The following CTXND2 variants were observed in gnomAD, a reference collection of about 807,000 sequenced individuals.
CTXND2 encodes the protein cortexin domain containing 2.
chr1:150,908,456 T>TCAGAGATGGGA (rs1669191359), intron 1 of CTXND2, among the ~76,000 whole-genome samples: 1 of 152,198 alleles, frequency 6.6e-6, no homozygotes, highest in East Asian at 1.9e-4. Context: ...GTCATCCTAG[T>TCAGAGATGGGA]GGGTGTGAAG....
At chr1:150,903,583 A>C (rs1007039456) in intron 1 of CTXND2, among the ~76,000 whole-genome samples, 1 of 151,844 alleles carries the variant, frequency 6.6e-6, no homozygotes, top group African/African-American at 2.4e-5. Flanking sequence ...GTGGATCAGG[A>C]GGTCAGGAGT....
In CTXND2 at chr1:150,912,248, G is replaced by T; in HGVS notation, c.-67G>T. 1 of 398,072 alleles carries T rather than the reference G, an allele frequency of 2.5e-6. No homozygotes were observed. Among genetic ancestry groups the T allele is most frequent in the South Asian group, 1.3e-4 (1 of 7,448 alleles). The allele number at this position is 398,072 out of a possible 1,614,324, so 24.7% of individuals were successfully genotyped here. On this transcript the variant is annotated 5_prime_UTR_variant, in exon 2 of 2. An upstream start codon of the reference 5' UTR is lost. Transcript: ENST00000636087. ...TTTATCCTCCTTTGTCTAGGAATAT[G>T]ACAAATCTGAAGCTATACCTGAGGA...
intron 1 of CTXND2, among the ~76,000 whole-genome samples, chr1:150,910,133 C>CTT (rs1338323220): frequency 6.2e-4 from 74 of 119,126 alleles, no homozygotes; most frequent in Admixed American, 1.0e-3. Flanking sequence ...TTTTTTTTTT[C>CTT]TTTTTTTTTT....
exon 2 of CTXND2, chr1:150,912,619 G>A (rs1320848796): frequency 5.0e-6 from 2 of 396,530 alleles, no homozygotes; most frequent in East Asian, 3.6e-5. Flanking sequence ...AAGCCAGTTT[G>A]TATTGTTCCT....
intron 1 of CTXND2, among the ~76,000 whole-genome samples, chr1:150,902,274 G>T (rs187975880): frequency 1.3e-5 from 2 of 152,036 alleles, no homozygotes; most frequent in Non-Finnish European, 2.9e-5. Context: ...AGGCGTGGTG[G>T]TGGGTGCCTG....
At chr1:150,889,349 G>A (rs772151636) in intron 1 of CTXND2, among the ~76,000 whole-genome samples, 30 of 147,112 alleles carry the variant, frequency 2.0e-4, no homozygotes, top group African/African-American at 3.0e-4. Flanking sequence ...GCAGTGAGCC[G>A]AGATCGCACC....
intron 1 of CTXND2, among the ~76,000 whole-genome samples, chr1:150,895,953 C>G (rs973165835): frequency 5.3e-5 from 8 of 152,202 alleles, no homozygotes; most frequent in Non-Finnish European, 1.0e-4. Context: ...TTCCTGTGCT[C>G]TCCCTGGCTA....
chr1:150,903,638 A>G (rs1468024490), intron 1 of CTXND2, among the ~76,000 whole-genome samples: 1 of 151,978 alleles, frequency 6.6e-6, no homozygotes, highest in Non-Finnish European at 1.5e-5. Context: ...TCGCTACTAA[A>G]AATACAAAAA....
intron 1 of CTXND2, among the ~76,000 whole-genome samples, chr1:150,889,760 G>A (rs957002701): frequency 3.3e-5 from 5 of 152,018 alleles, no homozygotes; most frequent in African/African-American, 1.2e-4. Flanking sequence ...CAACAAGTAT[G>A]AACTGTTGTA....
At chr1:150,890,057 A>G (rs1668827846) in intron 1 of CTXND2, among the ~76,000 whole-genome samples, 1 of 152,114 alleles carries the variant, frequency 6.6e-6, no homozygotes, top group African/African-American at 2.4e-5. Context: ...TCCTGTCTTA[A>G]GCAACAGAAG....
chr1:150,906,646 G>A (rs1236232501), intron 1 of CTXND2, among the ~76,000 whole-genome samples: 1 of 152,146 alleles, frequency 6.6e-6, no homozygotes, highest in Non-Finnish European at 1.5e-5. Flanking sequence ...AAAGTGGAAG[G>A]CCCACTGGAA....
chr1:150,890,340 A>T (rs2102593197), intron 1 of CTXND2, among the ~76,000 whole-genome samples: 1 of 152,314 alleles, frequency 6.6e-6, no homozygotes, highest in South Asian at 2.1e-4. Context: ...TCAAGGTAAA[A>T]AATTACTGCC....
At chr1:150,899,097 CAAAT>C (rs71090107) in intron 1 of CTXND2, among the ~76,000 whole-genome samples, 9,107 of 119,750 alleles carry the variant, frequency 0.076, 417 homozygotes, top group East Asian at 0.2. Flanking sequence ...GACTCCGTCT[CAAAT>C]AAATAAATAA....
At chr1:150,909,561 A>G (rs1669213002) in intron 1 of CTXND2, among the ~76,000 whole-genome samples, 1 of 152,170 alleles carries the variant, frequency 6.6e-6, no homozygotes, top group South Asian at 2.1e-4. Context: ...TGTCTCAAAG[A>G]AAAAAGTTTT....
Position 150,889,633 on chromosome 1 carries a change from T to A in CTXND2, c.-74+2320T>A, listed in dbSNP as rs779522267. On this transcript the variant is annotated intron_variant, in intron 1 of 1. Coordinates refer to ENST00000636087, the Ensembl canonical transcript of CTXND2. Reference sequence around the variant, plus strand: ...AGCCCTTGTTTCCCCTTGTTGAGACTGCTAAAACTCCTCTTGTTGTTTTCA... The same window carrying A: ...AGCCCTTGTTTCCCCTTGTTGAGACAGCTAAAACTCCTCTTGTTGTTTTCA... Among the ~76,000 whole-genome samples the A allele has an allele frequency of 8.5e-5, 13 of 152,168 alleles. 1 individual carries two copies. The highest frequency in any genetic ancestry group is 3.3e-4 in the Admixed American group (5 of 15,238).
At chr1:150,898,816 G>C (rs1445916670) in intron 1 of CTXND2, among the ~76,000 whole-genome samples, 1 of 149,122 alleles carries the variant, frequency 6.7e-6, no homozygotes, top group Non-Finnish European at 1.5e-5. Context: ...GGTGGCTCAC[G>C]CCTGCAATCC....
intron 1 of CTXND2, chr1:150,904,025 G>A: frequency 1.5e-6 from 1 of 653,514 alleles, no homozygotes; most frequent in Non-Finnish European, 2.9e-6. Context: ...GACAGGTCAG[G>A]CTGTTGGATT....
In CTXND2 at chr1:150,888,216, TTTA is replaced by T. The variant is rs199967612; in HGVS notation, c.-74+906_-74+908del. 1.2e-3 allele frequency among the ~76,000 whole-genome samples: 139 copies of T among 115,120 alleles called. 3 individuals are homozygous for T. The highest frequency in any genetic ancestry group is 3.8e-3 in the South Asian group (11 of 2,900). 75.5% of individuals were successfully genotyped at this position (115,120 alleles called of 152,430 possible). On this transcript the variant is annotated intron_variant, in intron 1 of 1. Coordinates refer to ENST00000636087, the Ensembl canonical transcript of CTXND2. ...CCCATTTTGAAAACATTTTACCTAA[TTTA>T]TTTTTTTTTTTTTTGAGACAGTCTC...
intron 1 of CTXND2, among the ~76,000 whole-genome samples, chr1:150,905,416 G>A (rs1295238584): frequency 6.6e-6 from 1 of 152,112 alleles, no homozygotes; most frequent in South Asian, 2.1e-4. Flanking sequence ...AAAGTGCTGG[G>A]ATTATAGGCA....
Sources: allele counts gnomAD v4.1 joint callset (sites outside exome capture counted in the v4.1 genomes callset), GRCh38; gene constraint gnomAD v4.1.1; transcripts MANE v1.5; gene names NCBI Gene and HGNC (gene_info 2026-07-23, HGNC 2026-07-21).